Variants in DEPTOR observed in about 807,000 individuals in gnomAD.
DEPTOR encodes DEP domain containing MTOR interacting protein.
In DEPTOR, 41 loss-of-function variants were observed where a neutral mutation model predicts 41.6. The observed-to-expected ratio is 0.98, with a 90% CI of 0.77 to 1.28. DEPTOR has a LOEUF of 1.28. DEPTOR is among the 50% of genes most tolerant of loss of function. The pLI is 0.00. For synonymous variants in DEPTOR, 195 were observed against 192.3 expected (o/e 1.01, Z -0.12); for missense variants, 514 against 527.9 (o/e 0.97, Z 0.26).
intron 8 of DEPTOR, among the ~76,000 whole-genome samples, chr8:120,045,810 G>C (rs1260794034): frequency 2.6e-5 from 4 of 152,106 alleles, no homozygotes; most frequent in Non-Finnish European, 5.9e-5. Flanking sequence ...ACCCACCACA[G>C]CCCCCATCCC....
At chr8:119,981,645 C>G (rs1488520184) in intron 4 of DEPTOR, among the ~76,000 whole-genome samples, 1 of 113,470 alleles carries the variant, frequency 8.8e-6, no homozygotes, top group Non-Finnish European at 1.9e-5. Context: ...AGAGCAAGAC[C>G]CTATCTCAAA....
rs759018989 is a variant in DEPTOR, at chr8:120,003,118, G to A, written c.925+7G>A. ...CTCTGCAACCCCAAGTCCGGTGAGT[G>A]CCCAAAAGGTGGCCCCGCTCCTAAG... On this transcript the variant is annotated splice_region_variant and intron_variant, in intron 6 of 8. Coordinates refer to ENST00000286234, the MANE Select transcript of DEPTOR (RefSeq NM_022783.4). 12 of 1,610,824 alleles carry A rather than the reference G, an allele frequency of 7.4e-6. No homozygotes were observed. Among genetic ancestry groups the A allele is most frequent in the Non-Finnish European group, 1.0e-5 (12 of 1,179,620 alleles).
intron 1 of DEPTOR, among the ~76,000 whole-genome samples, chr8:119,911,609 T>TACAC (rs1563963499): frequency 1.3e-5 from 2 of 151,564 alleles, no homozygotes; most frequent in Admixed American, 1.3e-4. Context: ...TGAGCCACCG[T>TACAC]GCCTGGCCCC....
At chr8:119,942,179 G>A (rs78548298) in intron 3 of DEPTOR, among the ~76,000 whole-genome samples, 192 of 152,256 alleles carry the variant, frequency 1.3e-3, no homozygotes, top group African/African-American at 4.5e-3. Flanking sequence ...GTATGTAGAA[G>A]TGACTTGATT....
At chr8:119,988,718 A>G (rs1828860464) in intron 4 of DEPTOR, among the ~76,000 whole-genome samples, 1 of 152,104 alleles carries the variant, frequency 6.6e-6, no homozygotes, top group Non-Finnish European at 1.5e-5. Flanking sequence ...CCTGACCTCA[A>G]GCGAACTGCC....
chr8:120,029,342 G>A (rs1375152373), intron 8 of DEPTOR, among the ~76,000 whole-genome samples: 2 of 151,886 alleles, frequency 1.3e-5, no homozygotes, highest in Non-Finnish European at 1.5e-5. Flanking sequence ...GTTCAAGGAG[G>A]GCAATATCTT....
chr8:119,982,183 A>G (rs1203964212), intron 4 of DEPTOR, among the ~76,000 whole-genome samples: 1 of 152,066 alleles, frequency 6.6e-6, no homozygotes, highest in Non-Finnish European at 1.5e-5. Context: ...GCTTTGGATA[A>G]AAGAATACAG....
At chr8:120,048,416 T>A (rs917124265) in intron 8 of DEPTOR, among the ~76,000 whole-genome samples, 1 of 152,176 alleles carries the variant, frequency 6.6e-6, no homozygotes, top group Non-Finnish European at 1.5e-5. Context: ...TTGTGACCTG[T>A]TTGTGTGACC....
Position 120,003,071 on chromosome 8 carries a change from C to T in DEPTOR, c.885C>T (p.Thr295=). ...GCGGCTACTTCAGCAGCAGCCCCAC[C>T]CTCAGCAGCAGCCCCCCTGTGCTCT... ...GSSGYFSSSP[T]LSSSPPVLCN... The change falls in exon 6 of 9, where the codon ACC becomes ACT. Residue 295 remains threonine, a synonymous_variant. Transcript: ENST00000286234. The T allele has an allele frequency of 6.2e-7, 1 of 1,613,128 alleles. No individual in the cohort carries two copies. Among genetic ancestry groups the T allele is most frequent in the Non-Finnish European group, 8.5e-7 (1 of 1,179,878 alleles).
Position 119,929,940 on chromosome 8 carries a change from T to C in DEPTOR, c.425+2T>C. 6.2e-7 allele frequency: 1 copy of C among 1,609,384 alleles called. No homozygotes were observed. The highest frequency in any genetic ancestry group is 8.5e-7 in the Non-Finnish European group (1 of 1,176,710). ...GAGAGGACAGAGGCTATATGAAAAGTATGTTCCGCATGAAATCCCCCCTGT... is the reference window on the plus strand; with the variant it reads ...GAGAGGACAGAGGCTATATGAAAAGCATGTTCCGCATGAAATCCCCCCTGT... On this transcript the variant is annotated splice_donor_variant, in intron 3 of 8. Coordinates refer to ENST00000286234, the MANE Select transcript of DEPTOR (RefSeq NM_022783.4). LOFTEE classifies it high-confidence loss of function.
In DEPTOR at chr8:120,050,291, C is replaced by G. The variant is rs1008102377; in HGVS notation, c.*587C>G. On this transcript the variant is annotated 3_prime_UTR_variant, in exon 9 of 9. Transcript: ENST00000286234. Reference sequence around the variant, plus strand: ...TTTAGTGTCAACTTTTAAGTTAATACAGGTTTCAATTGTGGCATTAGGAAA... The same window carrying G: ...TTTAGTGTCAACTTTTAAGTTAATAGAGGTTTCAATTGTGGCATTAGGAAA... The G allele has an allele frequency of 2.7e-5, 4 of 149,730 alleles. No individual in the cohort carries two copies. The highest frequency in any genetic ancestry group is 4.4e-5 in the Non-Finnish European group (3 of 67,706). The allele number at this position is 149,730 out of a possible 1,614,324, so 9.3% of individuals were successfully genotyped here.
At chr8:120,047,524 C>T (rs1210280100) in intron 8 of DEPTOR, among the ~76,000 whole-genome samples, 6 of 151,518 alleles carry the variant, frequency 4.0e-5, no homozygotes, top group African/African-American at 1.2e-4. Context: ...TCCGCCACCA[C>T]GCCCAGCTAA....
chr8:119,985,517 T>C (rs1271366532), intron 4 of DEPTOR, among the ~76,000 whole-genome samples: 10 of 152,182 alleles, frequency 6.6e-5, no homozygotes, highest in East Asian at 1.9e-4. Context: ...TTCACTCTTA[T>C]GATAGTTTAT....
intron 8 of DEPTOR, among the ~76,000 whole-genome samples, chr8:120,011,891 C>T (rs1355655095): frequency 6.6e-6 from 1 of 152,102 alleles, no homozygotes; most frequent in African/African-American, 2.4e-5. Context: ...TAGAGCTTTA[C>T]AGAGTTCATT....
At chr8:119,984,430 A>T (rs906731685) in intron 4 of DEPTOR, among the ~76,000 whole-genome samples, 1 of 151,736 alleles carries the variant, frequency 6.6e-6, no homozygotes, top group African/African-American at 2.4e-5. Flanking sequence ...CTCCCCACCC[A>T]CCAACAGGCC....
chr8:119,933,393 G>A (rs1249154124), intron 3 of DEPTOR, among the ~76,000 whole-genome samples: 1 of 151,458 alleles, frequency 6.6e-6, no homozygotes, highest in African/African-American at 2.4e-5. Context: ...GGGAGGCTGA[G>A]AGGCAGGAGA....
intron 8 of DEPTOR, among the ~76,000 whole-genome samples, chr8:120,028,809 G>A (rs1812841282): frequency 6.6e-6 from 1 of 151,628 alleles, no homozygotes; most frequent in Non-Finnish European, 1.5e-5. Context: ...TTGCAGCCGG[G>A]CACAGTGGCT....
chr8:119,957,738 G>A (rs192375811), intron 3 of DEPTOR, among the ~76,000 whole-genome samples: 8 of 152,110 alleles, frequency 5.3e-5, no homozygotes, highest in Non-Finnish European at 7.4e-5. Context: ...ATAGGCACGC[G>A]CCACCATGCC....
chr8:120,002,776 CAA>C (rs1173820465), intron 5 of DEPTOR, among the ~76,000 whole-genome samples, 199 bp from the exon 6 acceptor site: 5 of 54,440 alleles, frequency 9.2e-5, no homozygotes, highest in African/African-American at 3.7e-4. Context: ...GACTCCATCT[CAA>C]AAAAAAAAAA....
Sources: gnomAD v4.1 joint callset for allele counts (sites outside exome capture counted in the v4.1 genomes callset) on GRCh38, gnomAD v4.1.1 for gene constraint, MANE v1.5 for transcripts, NCBI Gene and HGNC (gene_info 2026-07-23, HGNC 2026-07-21) for gene names.